The following PCDH11Y variants were observed in gnomAD, a reference collection of about 807,000 sequenced individuals.
PCDH11Y encodes protocadherin-11 Y-linked.
For missense variants in PCDH11Y, 12 were observed against 224.8 expected (o/e 0.05, Z 6.05); for synonymous variants, 9 against 83.6 (o/e 0.11, Z 4.87).
At chrY:5,575,682 A>C (rs1602945418) in intron 3 of PCDH11Y, among the ~76,000 whole-genome samples, 14 of 33,884 alleles carry the variant, frequency 4.1e-4, no homozygotes, top group African/African-American at 1.6e-3. Context: ...TGTTGACAAA[A>C]CAGTCAAAGC....
Position 5,283,530 on chromosome Y carries a change from G to C in PCDH11Y, c.3129+182823G>C. On this transcript the variant is annotated intron_variant, in intron 2 of 4. Coordinates refer to the PCDH11Y transcript ENST00000400457. ...TGGTCATTAACAGTGGCAGGTTGTT[G>C]CAGAGGTGAGGAAATTACATGTTCC... 9.2e-5 allele frequency among the ~76,000 whole-genome samples: 3 copies of C among 32,732 alleles called. No homozygotes were observed. In the East Asian group the frequency reaches 2.4e-3, roughly 26 times the overall value. The allele number at this position is 32,732 out of a possible 37,273, so 87.8% of individuals were successfully genotyped here.
At chrY:5,597,885 G>C in intron 4 of PCDH11Y, among the ~76,000 whole-genome samples, 1 of 31,802 alleles carries the variant, frequency 3.1e-5, no homozygotes, top group Non-Finnish European at 7.7e-5. Context: ...ACACTGCTTG[G>C]GTGATAGGTG....
intron 2 of PCDH11Y, among the ~76,000 whole-genome samples, chrY:5,286,851 A>G: frequency 6.2e-5 from 2 of 32,384 alleles, no homozygotes; most frequent in Non-Finnish European, 1.5e-4. Flanking sequence ...AGATAGTTTG[A>G]CTTCCTCTCT....
chrY:5,102,415 ACTTT>A (rs2052781092), downstream of PCDH11Y, among the ~76,000 whole-genome samples: 6 of 32,606 alleles, frequency 1.8e-4, no homozygotes, highest in South Asian at 4.0e-3. Flanking sequence ...TTAATTTGTG[ACTTT>A]CTTTAAGAAA....
At chrY:5,007,387 CTG>C (rs2052541649) in intron 1 of PCDH11Y, among the ~76,000 whole-genome samples, 4 of 29,409 alleles carry the variant, frequency 1.4e-4, no homozygotes, top group African/African-American at 5.3e-4. Context: ...TCAATAAAAA[CTG>C]TTTTAATAAT....
downstream of PCDH11Y, among the ~76,000 whole-genome samples, chrY:5,103,007 A>G: frequency 6.0e-5 from 2 of 33,281 alleles, no homozygotes; most frequent in African/African-American, 2.3e-4. Flanking sequence ...AATAATTTGA[A>G]TCTTTACATT....
chrY:5,103,787 A>G (rs780099116), downstream of PCDH11Y, among the ~76,000 whole-genome samples: 484 of 32,114 alleles, frequency 0.015, no homozygotes, highest in Non-Finnish European at 0.027. Context: ...TAGAGAAACC[A>G]TAAGTATAAA....
At chrY:5,270,703 T>C in intron 2 of PCDH11Y, among the ~76,000 whole-genome samples, 1 of 32,514 alleles carries the variant, frequency 3.1e-5, no homozygotes, top group African/African-American at 1.2e-4. Flanking sequence ...TATCTAGTGA[T>C]ATCATGTTGT....
intron 4 of PCDH11Y, among the ~76,000 whole-genome samples, chrY:5,678,529 T>C: frequency 6.0e-5 from 2 of 33,415 alleles, no homozygotes; most frequent in African/African-American, 1.2e-4. Flanking sequence ...TTGATGCTTG[T>C]TAAAAAGCCT....
chrY:5,060,850 G>A (rs2052673674), intron 1 of PCDH11Y, among the ~76,000 whole-genome samples: 20 of 27,719 alleles, frequency 7.2e-4, no homozygotes, highest in Admixed American at 2.5e-3. Context: ...GTGAAACCCC[G>A]TCTCTACTAA....
intron 4 of PCDH11Y, among the ~76,000 whole-genome samples, chrY:5,619,672 C>T (rs1602952557): frequency 3.1e-5 from 1 of 32,191 alleles, no homozygotes; most frequent in East Asian, 8.1e-4. Context: ...GTGTGAGAGG[C>T]AATGTCAGAC....
chrY:5,261,634 T>C, intron 2 of PCDH11Y, among the ~76,000 whole-genome samples: 1 of 33,391 alleles, frequency 3.0e-5, no homozygotes, highest in African/African-American at 1.2e-4. Context: ...CTGGGATATA[T>C]GTGCAGAAAA....
chrY:5,151,331 C>A (rs2052864175), intron 2 of PCDH11Y, among the ~76,000 whole-genome samples: 1 of 32,540 alleles, frequency 3.1e-5, no homozygotes, highest in African/African-American at 1.2e-4. Flanking sequence ...AGCTTCTGAT[C>A]TATTACTTAA....
In PCDH11Y at chrY:5,709,033, C is replaced by T. The variant is rs1602962810; in HGVS notation, c.3353-28239C>T. 3.7e-4 allele frequency among the ~76,000 whole-genome samples: 12 copies of T among 32,136 alleles called. No homozygotes were observed. The East Asian group carries it at 9.0e-3, about 24-fold the overall frequency. 86.2% of individuals were successfully genotyped at this position (32,136 alleles called of 37,273 possible). A position where few individuals can be genotyped will look rare whatever the true frequency, so the allele number is the denominator to read the frequency against. On this transcript the variant is annotated intron_variant, in intron 4 of 4. Coordinates refer to the PCDH11Y transcript ENST00000400457. Reference sequence around the variant, plus strand: ...TCTGCAGCTTCCCCAATTATTCCGCCGATAACACCACTATTGTAGATTGGC... The same window carrying T: ...TCTGCAGCTTCCCCAATTATTCCGCTGATAACACCACTATTGTAGATTGGC...
chrY:5,652,489 G>T (rs2053532279), intron 4 of PCDH11Y, among the ~76,000 whole-genome samples: 1 of 32,375 alleles, frequency 3.1e-5, no homozygotes, highest in Non-Finnish European at 7.5e-5. Context: ...TCTATAACAG[G>T]TCCTGCTCTG....
At chrY:5,572,151 C>T (rs2124696316) in intron 3 of PCDH11Y, among the ~76,000 whole-genome samples, 1 of 32,395 alleles carries the variant, frequency 3.1e-5, no homozygotes, top group Admixed American at 2.8e-4. Flanking sequence ...ACATAATATC[C>T]TTCAGCTCCA....
At chrY:5,550,917 T>TTAGTC in intron 3 of PCDH11Y, among the ~76,000 whole-genome samples, 1 of 31,986 alleles carries the variant, frequency 3.1e-5, no homozygotes, top group Non-Finnish European at 7.7e-5. Context: ...TAATTGATAA[T>TTAGTC]TAGTCTGAAT....
intron 4 of PCDH11Y, among the ~76,000 whole-genome samples, chrY:5,714,200 C>T (rs2053588734): frequency 1.3e-3 from 42 of 32,893 alleles, no homozygotes; most frequent in African/African-American, 4.4e-3. Context: ...TTTAAGGAGT[C>T]AAAGTTGACT....
chrY:5,306,285 A>G, intron 2 of PCDH11Y, among the ~76,000 whole-genome samples: 1 of 29,415 alleles, frequency 3.4e-5, no homozygotes, highest in South Asian at 1.1e-3. Context: ...GGCTGAGCCA[A>G]TAACACACAC....
Sources: allele counts gnomAD v4.1 joint callset (sites outside exome capture counted in the v4.1 genomes callset), GRCh38; gene constraint gnomAD v4.1.1; transcripts MANE v1.5; gene names NCBI Gene and HGNC (gene_info 2026-07-23, HGNC 2026-07-21).